The following NECTIN3 variants were observed in gnomAD, a reference collection of about 807,000 sequenced individuals.
NECTIN3 encodes the protein nectin cell adhesion molecule 3, also known as nectin-3.
In NECTIN3, 8 loss-of-function variants were observed where a neutral mutation model predicts 49.4. That is an observed-to-expected ratio of 0.16 (90% CI 0.10 to 0.29). NECTIN3 has a LOEUF of 0.29. Among genes scored for constraint, NECTIN3 ranks in the 10% least tolerant of loss-of-function variants. NECTIN3 has a pLI of 1.00. For synonymous variants in NECTIN3, 277 were observed against 241.1 expected (o/e 1.15, Z -1.38); for missense variants, 581 against 654.6 (o/e 0.89, Z 1.23).
intron 7 of NECTIN3, among the ~76,000 whole-genome samples, chr3:111,148,407 C>T (rs905789904): frequency 1.3e-5 from 2 of 152,234 alleles, no homozygotes; most frequent in African/African-American, 4.8e-5. Context: ...TCATCTTACA[C>T]AGTTAGGTGT....
chr3:111,093,450 G>A (rs559250030), intron 1 of NECTIN3, among the ~76,000 whole-genome samples: 17 of 144,612 alleles, frequency 1.2e-4, no homozygotes, highest in Admixed American at 7.1e-4. Flanking sequence ...TTGAGACAGA[G>A]TTTCGCTCTT....
intron 6 of NECTIN3, among the ~76,000 whole-genome samples, chr3:111,146,523 C>G (rs2034881031): frequency 6.6e-6 from 1 of 151,182 alleles, no homozygotes. Context: ...AAACAATTTA[C>G]TGGTAGGTTA....
intron 7 of NECTIN3, among the ~76,000 whole-genome samples, chr3:111,180,268 A>G (rs1266966686): frequency 6.6e-6 from 1 of 152,166 alleles, no homozygotes; most frequent in East Asian, 1.9e-4. Context: ...ATAAATTACT[A>G]CCTGTCATAA....
chr3:111,179,193 A>G (rs2035584596), intron 7 of NECTIN3, among the ~76,000 whole-genome samples: 1 of 152,142 alleles, frequency 6.6e-6, no homozygotes, highest in South Asian at 2.1e-4. Flanking sequence ...TAAATGCTAG[A>G]ACCTCTCCTC....
At chr3:111,072,209 A>G (rs2030808833) in intron 1 of NECTIN3, 32 bp downstream of exon 1, 1 of 1,524,372 alleles carries the variant, frequency 6.6e-7, no homozygotes, top group African/African-American at 1.4e-5. Flanking sequence ...GCGTGGGCTG[A>G]GGGAGCCGCC....
At chr3:111,137,624 T>C (rs1341841555), downstream of NECTIN3, 1 of 395,626 alleles carries the variant, frequency 2.5e-6, no homozygotes, top group Non-Finnish European at 3.4e-6. Flanking sequence ...CTAAAGTGTG[T>C]GTGTATGTGC....
chr3:111,176,344 G>C (rs886991086), intron 7 of NECTIN3, among the ~76,000 whole-genome samples: 1 of 152,138 alleles, frequency 6.6e-6, no homozygotes, highest in Non-Finnish European at 1.5e-5. Flanking sequence ...TCCTTTTAAA[G>C]TCACTGGTGC....
chr3:111,107,640 A>G (rs1426124845), intron 1 of NECTIN3, among the ~76,000 whole-genome samples: 1 of 152,138 alleles, frequency 6.6e-6, no homozygotes, highest in East Asian at 1.9e-4. Context: ...AAACGTTTAC[A>G]TTTCTTCAGG....
At position 111,118,768 on chromosome 3, in the gene NECTIN3, C is replaced by A; in HGVS notation, c.615C>A (p.Asp205Glu). Residue 205 changes from aspartate (D) to glutamate (E), a missense_variant, in exon 3 of 6, where the codon GAC becomes GAA. Transcript: ENST00000485303. ...CTGGAAAACCCGTTGCACATATTGA[C>A]TGGGAAGGTGATCTTGGTGAAATGG... ...AATGKPVAHI[D>E]WEGDLGEMES... is the part of the protein sequence containing the mutation. The A allele has an allele frequency of 6.2e-7, 1 of 1,614,138 alleles. No individual in the cohort carries two copies. Among genetic ancestry groups the A allele is most frequent in the Non-Finnish European group, 8.5e-7 (1 of 1,180,030 alleles).
At chr3:111,107,993 A>G (rs553309638) in intron 1 of NECTIN3, among the ~76,000 whole-genome samples, 1 of 152,174 alleles carries the variant, frequency 6.6e-6, no homozygotes, top group Non-Finnish European at 1.5e-5. Flanking sequence ...TAATACTAGA[A>G]GAGTAGTACA....
rs140449045 is a variant in NECTIN3 at position 111,103,547 on chromosome 3, T to C, written c.161-8483T>C. Among the ~76,000 whole-genome samples, 593 of 151,910 alleles carry C rather than the reference T, an allele frequency of 3.9e-3. 5 individuals are homozygous for C. Among genetic ancestry groups the C allele is most frequent in the African/African-American group, 0.013 (550 of 41,460 alleles). ...TTTTTCATCACCCACAATGACTAAATTTTTGATTAGAAAGGAAGTTTTATT... is the reference window on the plus strand; with the variant it reads ...TTTTTCATCACCCACAATGACTAAACTTTTGATTAGAAAGGAAGTTTTATT... On this transcript the variant is annotated intron_variant, in intron 1 of 5. Transcript: ENST00000485303.
chr3:111,134,172 A>G lies in NECTIN3; in HGVS notation c.1607A>G (p.His536Arg). 2.5e-6 allele frequency: 4 copies of G among 1,610,664 alleles called. No individual in the cohort carries two copies. The highest frequency in any genetic ancestry group is 3.4e-6 in the Non-Finnish European group (4 of 1,178,638). The change falls in exon 6 of 6, where the codon CAT becomes CGT. Residue 536 changes from histidine (H) to arginine (R), a missense_variant. Around this residue, in one of 3 missense-constraint regions of NECTIN3, gnomAD observed 238 missense variants for 244.9 expected, o/e 0.97. Coordinates refer to ENST00000485303, the MANE Select transcript of NECTIN3 (RefSeq NM_015480.3). ...GAAAACGAAGATGACTTAGTTTCACATGTAGATGGTTCCGTAATTTCCAGG... is the reference window on the plus strand; with the variant it reads ...GAAAACGAAGATGACTTAGTTTCACGTGTAGATGGTTCCGTAATTTCCAGG... ...YDENEDDLVS[H>R]VDGSVISRRE...
intron 7 of NECTIN3, among the ~76,000 whole-genome samples, chr3:111,153,683 CTTTGA>C (rs2035042013): frequency 6.6e-6 from 1 of 152,104 alleles, no homozygotes; most frequent in African/African-American, 2.4e-5. Context: ...GCTGATGCTA[CTTTGA>C]TTTATTTAAA....
At position 111,072,194 on chromosome 3, in the gene NECTIN3, G is replaced by A. The variant is rs1369618060; in HGVS notation, c.160+17G>A. ...GGCTCTGTGGTAGGTGAACCTCGGC[G>A]GCCGGCGTGGGCTGAGGGAGCCGCC... On this transcript the variant is annotated intron_variant, in intron 1 of 5. Transcript: ENST00000485303. 3 of 1,536,522 alleles carry A rather than the reference G, an allele frequency of 2.0e-6. No individual in the cohort carries two copies. The African/African-American group carries it at 4.2e-5, about 21-fold the overall frequency.
intron 5 of NECTIN3, among the ~76,000 whole-genome samples, chr3:111,131,897 CTTTAA>C (rs995505390): frequency 2.0e-4 from 30 of 151,904 alleles, no homozygotes; most frequent in Admixed American, 9.2e-4. Context: ...ATGATTTTTA[CTTTAA>C]TTTAAATATG....
intron 7 of NECTIN3, among the ~76,000 whole-genome samples, chr3:111,174,697 G>A (rs1294928097): frequency 1.5e-5 from 2 of 135,306 alleles, no homozygotes; most frequent in Non-Finnish European, 3.1e-5. Context: ...CTGTTCCATC[G>A]CCACTGCTGC....
chr3:111,072,864 G>A (rs889010411), intron 1 of NECTIN3: 18 of 298,414 alleles, frequency 6.0e-5, no homozygotes, highest in Non-Finnish European at 1.1e-4. Flanking sequence ...CTGATTTCAT[G>A]GACTGTGTGC....
Position 111,135,238 on chromosome 3 carries a change from A to G in NECTIN3, c.*1023A>G. ...AAGAAAATTTTAGAGTAAACTTGGA[A>G]CTTTGGATATAACTAGAAAAAACTA... On this transcript the variant is annotated 3_prime_UTR_variant, in exon 6 of 6. Transcript: ENST00000485303. The G allele has an allele frequency of 4.1e-6, 4 of 970,436 alleles. No homozygotes were observed. The highest frequency in any genetic ancestry group is 4.9e-6 in the Non-Finnish European group (4 of 816,610). The allele number at this position is 970,436 out of a possible 1,614,324, so 60.1% of individuals were successfully genotyped here. A position where few individuals can be genotyped will look rare whatever the true frequency, so the allele number is the denominator to read the frequency against.
chr3:111,143,945 G>A (rs1445217035), intron 5 of NECTIN3, among the ~76,000 whole-genome samples: 1 of 151,932 alleles, frequency 6.6e-6, no homozygotes, highest in Non-Finnish European at 1.5e-5. Context: ...AACAAAATCA[G>A]ATGTGTGAAG....
Sources: gnomAD v4.1 joint callset for allele counts (sites outside exome capture counted in the v4.1 genomes callset) on GRCh38, gnomAD v4.1.1 for gene constraint, gnomAD v4.1.1 regional missense constraint, MANE v1.5 for transcripts, NCBI Gene and HGNC (gene_info 2026-07-23, HGNC 2026-07-21) for gene names.